BLNK: variants seen among roughly 807,000 people sequenced by gnomAD.
BLNK encodes B cell linker.
BLNK carries 29 observed loss-of-function variants against 73.5 expected under a neutral mutation model. The ratio of observed to expected loss-of-function variants is 0.39; its 90% CI spans 0.29 to 0.54. The LOEUF (loss-of-function observed/expected upper bound fraction) is 0.54. Ranked by LOEUF, BLNK falls within the 20% of genes least tolerant of loss-of-function variation. BLNK has a pLI of 0.61. For missense variants in BLNK, 460 were observed against 562.8 expected (o/e 0.82, Z 1.85); for synonymous variants, 176 against 200.8 (o/e 0.88, Z 1.04).
intron 15 of BLNK, among the ~76,000 whole-genome samples, chr10:96,199,078 T>G (rs1591296095): frequency 6.6e-6 from 1 of 152,148 alleles, no homozygotes; most frequent in East Asian, 1.9e-4. Context: ...ACAGGTACAC[T>G]TCATCAAAGG....
At chr10:96,260,373 G>A (rs1564852560) in intron 1 of BLNK, among the ~76,000 whole-genome samples, 1 of 152,190 alleles carries the variant, frequency 6.6e-6, no homozygotes, top group Non-Finnish European at 1.5e-5. Context: ...ATGCAAAACT[G>A]ACGTCTCTTA....
chr10:96,195,218 TA>T (rs35045572), intron 16 of BLNK, among the ~76,000 whole-genome samples: 1 of 152,134 alleles, frequency 6.6e-6, no homozygotes, highest in African/African-American at 2.4e-5. Flanking sequence ...GGTGGAACTG[TA>T]AAATGGTGCA....
intron 1 of BLNK, among the ~76,000 whole-genome samples, chr10:96,264,596 G>T (rs1351989421): frequency 2.0e-5 from 3 of 152,096 alleles, no homozygotes; most frequent in African/African-American, 7.2e-5. Flanking sequence ...TTTTGGAGGG[G>T]GGCGGGGAGA....
intron 4 of BLNK, among the ~76,000 whole-genome samples, chr10:96,229,723 C>T (rs1360136883): frequency 4.6e-5 from 7 of 151,326 alleles, no homozygotes; most frequent in African/African-American, 1.2e-4. Context: ...CAGCAGGGGG[C>T]GCAGCTGCAG....
At chr10:96,193,317 G>T (rs1172740375) in intron 16 of BLNK, among the ~76,000 whole-genome samples, 1 of 152,108 alleles carries the variant, frequency 6.6e-6, no homozygotes, top group Non-Finnish European at 1.5e-5. Context: ...TGGACTCAAG[G>T]GCCAGAAAAC....
rs1591351675 is a variant in BLNK, at chr10:96,244,678, G to A, written c.114-1894C>T. Among the ~76,000 whole-genome samples, 11 of 152,172 alleles carry A rather than the reference G, an allele frequency of 7.2e-5. No individual in the cohort carries two copies. The South Asian group carries it at 1.9e-3, about 26-fold the overall frequency. ...AGCTAAAGGGCCCCTGACGTCACCC[G>A]GGGTAATGACTATGGTGGCCATAAT... On this transcript the variant is annotated intron_variant, in intron 2 of 16. Transcript: ENST00000224337.
intron 1 of BLNK, among the ~76,000 whole-genome samples, chr10:96,251,947 T>A (rs1447829511): frequency 6.6e-6 from 1 of 152,140 alleles, no homozygotes; most frequent in African/African-American, 2.4e-5. Flanking sequence ...ATCCGATAGA[T>A]CTCAAGAGGG....
At chr10:96,260,216 C>T (rs1554912375) in intron 1 of BLNK, among the ~76,000 whole-genome samples, 1 of 152,150 alleles carries the variant, frequency 6.6e-6, no homozygotes, top group Non-Finnish European at 1.5e-5. Flanking sequence ...TCATAGATGA[C>T]ACAGACTCTT....
chr10:96,226,198 C>T (rs587641863), intron 5 of BLNK, among the ~76,000 whole-genome samples: 4 of 152,132 alleles, frequency 2.6e-5, no homozygotes, highest in Non-Finnish European at 5.9e-5. Flanking sequence ...TTAAGTAGAC[C>T]CCCAGGGGAA....
At chr10:96,259,267 C>T (rs1226308744) in intron 1 of BLNK, among the ~76,000 whole-genome samples, 1 of 152,178 alleles carries the variant, frequency 6.6e-6, no homozygotes, top group Non-Finnish European at 1.5e-5. Context: ...CTATTGGTCC[C>T]CAAGGTTAGA....
intron 5 of BLNK, among the ~76,000 whole-genome samples, chr10:96,226,864 A>G (rs923425277): frequency 6.6e-6 from 1 of 151,816 alleles, no homozygotes; most frequent in African/African-American, 2.4e-5. Flanking sequence ...AAAAAAAAAA[A>G]CAGACCCAAG....
intron 3 of BLNK, among the ~76,000 whole-genome samples, chr10:96,240,572 A>T (rs1263062875): frequency 6.6e-6 from 1 of 152,062 alleles, no homozygotes; most frequent in African/African-American, 2.4e-5. Context: ...ACTTTTCTTC[A>T]TATTTAAAGG....
intron 8 of BLNK, chr10:96,210,425 A>C (rs1554898487): frequency 1.8e-5 from 3 of 166,714 alleles, no homozygotes; most frequent in Non-Finnish European, 4.0e-5. Flanking sequence ...CATTCAGAGG[A>C]TATTTACTCA....
chr10:96,229,708 G>A (rs4918991), intron 4 of BLNK, among the ~76,000 whole-genome samples: 106,239 of 150,974 alleles, frequency 0.7, 39,714 homozygotes, highest in Non-Finnish European at 0.82. Flanking sequence ...ACGCGCGTGC[G>A]CAGCCAGCAG....
intron 1 of BLNK, among the ~76,000 whole-genome samples, chr10:96,266,320 T>C (rs918238527): frequency 3.3e-5 from 5 of 152,184 alleles, no homozygotes; most frequent in Non-Finnish European, 7.3e-5. Context: ...ACCTAATCAA[T>C]TGTATCATAG....
intron 12 of BLNK, 113 bp downstream of exon 12, chr10:96,204,417 AAT>A: frequency 8.3e-7 from 1 of 1,204,080 alleles, no homozygotes; most frequent in Admixed American, 1.7e-5. Context: ...AAAACAATGA[AAT>A]GTTGGATTTT....
At chr10:96,265,594 C>T (rs1179180910) in intron 1 of BLNK, among the ~76,000 whole-genome samples, 1 of 152,148 alleles carries the variant, frequency 6.6e-6, no homozygotes, top group Non-Finnish European at 1.5e-5. Context: ...GGATTTATTG[C>T]CCCTCCTCTA....
At chr10:96,210,863 G>GGTT (rs2083929301) in intron 8 of BLNK, among the ~76,000 whole-genome samples, 1 of 121,950 alleles carries the variant, frequency 8.2e-6, no homozygotes, top group Non-Finnish European at 1.7e-5. Flanking sequence ...CCACAATTCC[G>GGTT]TTTTTTTTTT....
chr10:96,250,835 T>C (rs1843253177), intron 1 of BLNK, among the ~76,000 whole-genome samples: 1 of 152,264 alleles, frequency 6.6e-6, no homozygotes, highest in Non-Finnish European at 1.5e-5. Context: ...ACAATTATAC[T>C]ATGTAACTAT....
Sources: allele counts gnomAD v4.1 joint callset (sites outside exome capture counted in the v4.1 genomes callset), GRCh38; gene constraint gnomAD v4.1.1; transcripts MANE v1.5; gene names NCBI Gene and HGNC (gene_info 2026-07-23, HGNC 2026-07-21).